Variants in PHAF1 observed in about 807,000 individuals in gnomAD.
PHAF1 encodes the protein phagosome assembly factor 1.
Under a neutral mutation model 63.1 loss-of-function variants are expected in PHAF1, and 23 were observed. The observed-to-expected ratio is 0.36, with a 90% CI of 0.26 to 0.52. The LOEUF (loss-of-function observed/expected upper bound fraction) is 0.52. Ranked by LOEUF, PHAF1 falls within the 20% of genes least tolerant of loss-of-function variation. The probability of loss-of-function intolerance (pLI) is 0.93; values close to 1 mark genes in which losing one functional copy is unlikely to be tolerated. For missense variants in PHAF1, 427 were observed against 517.2 expected, an observed-to-expected ratio of 0.83 and a Z score of 1.69; for synonymous variants, 167 against 185.0, an observed-to-expected ratio of 0.90 and a Z score of 0.79.
intron 10 of PHAF1, among the ~76,000 whole-genome samples, chr16:67,141,074 G>C (rs1963790894): frequency 6.6e-6 from 1 of 152,244 alleles, no homozygotes; most frequent in African/African-American, 2.4e-5. Context: ...GGACAGTCCA[G>C]CTGGTGGGTG....
At chr16:67,140,161 A>C in intron 9 of PHAF1, 44 bp downstream of exon 9, 1 of 1,591,288 alleles carries the variant, frequency 6.3e-7, no homozygotes, top group East Asian at 2.2e-5. Context: ...TTTAATCAAC[A>C]CTAATTTAAT....
In PHAF1 at chr16:67,140,492, G is replaced by A; in HGVS notation, c.796-19G>A. 2.0e-6 allele frequency: 3 copies of A among 1,526,120 alleles called. No homozygotes were observed. Among genetic ancestry groups the A allele is most frequent in the Non-Finnish European group, 2.7e-6 (3 of 1,100,292 alleles). The allele number at this position is 1,526,120 out of a possible 1,614,324, so 94.5% of individuals were successfully genotyped here. On this transcript the variant is annotated intron_variant, in intron 9 of 15. Coordinates refer to ENST00000219139, the MANE Select transcript of PHAF1 (RefSeq NM_025187.5). ...ATTAGAGGGATGGATTTTAATTTAT[G>A]GTTATTTTTTCCCTACAGATGAAAA...
intron 15 of PHAF1, 37 bp downstream of exon 15, chr16:67,146,387 G>T (rs1182463954): frequency 1.3e-6 from 2 of 1,591,480 alleles, no homozygotes; most frequent in Non-Finnish European, 1.7e-6. Flanking sequence ...ACTGCCTGGG[G>T]GGTTGCTGGT....
intron 1 of PHAF1, among the ~76,000 whole-genome samples, chr16:67,112,806 G>T (rs935614639): frequency 1.5e-4 from 23 of 152,218 alleles, no homozygotes; most frequent in Non-Finnish European, 1.8e-4. Flanking sequence ...GAGGCTTCAT[G>T]ATTCCCTTGG....
chr16:67,136,822 C>T (rs962005885), intron 8 of PHAF1, among the ~76,000 whole-genome samples: 1 of 151,980 alleles, frequency 6.6e-6, no homozygotes, highest in African/African-American at 2.4e-5. Context: ...CTTAAGCGGT[C>T]GTCCCACCTC....
At chr16:67,145,009 G>A (rs368783080) in intron 12 of PHAF1, 132 bp downstream of exon 12, 1 of 1,169,082 alleles carries the variant, frequency 8.6e-7, no homozygotes, top group African/African-American at 1.5e-5. Flanking sequence ...TCTGGGGTGG[G>A]CTCATTGTTC....
chr16:67,121,923 T>C (rs900123883), intron 2 of PHAF1, among the ~76,000 whole-genome samples: 1 of 151,900 alleles, frequency 6.6e-6, no homozygotes, highest in Non-Finnish European at 1.5e-5. Flanking sequence ...TTTGAGACAG[T>C]ATCTTGCTTT....
chr16:67,147,287 C>A lies in PHAF1; in HGVS notation c.*156C>A. The A allele has an allele frequency of 3.0e-6, 2 of 668,614 alleles. No homozygotes were observed. Among genetic ancestry groups the A allele is most frequent in the Non-Finnish European group, 5.1e-6 (2 of 395,006 alleles). The allele number at this position is 668,614 out of a possible 1,614,324, so 41.4% of individuals were successfully genotyped here. A position where few individuals can be genotyped will look rare whatever the true frequency, so the allele number is the denominator to read the frequency against. On this transcript the variant is annotated 3_prime_UTR_variant, in exon 16 of 16. Coordinates refer to ENST00000219139, the MANE Select transcript of PHAF1 (RefSeq NM_025187.5). ...GTTGGGCTCAGGCTGGGTGCTCTGC[C>A]ATGGGCTGAGTGGCCCAGATATTCT...
chr16:67,148,410 G>A lies in PHAF1; in HGVS notation c.*1279G>A, dbSNP rs2030293783. 1 of 152,680 alleles carries A rather than the reference G, an allele frequency of 6.5e-6. No individual in the cohort carries two copies. Among genetic ancestry groups the A allele is most frequent in the African/African-American group, 2.4e-5 (1 of 41,454 alleles). The allele number at this position is 152,680 out of a possible 1,614,324, so 9.5% of individuals were successfully genotyped here. A position where few individuals can be genotyped will look rare whatever the true frequency, so the allele number is the denominator to read the frequency against. On this transcript the variant is annotated 3_prime_UTR_variant, in exon 16 of 16. Coordinates refer to ENST00000219139, the MANE Select transcript of PHAF1 (RefSeq NM_025187.5). ...TTGCATATCCCCACTGTCAGGGGCAGCCAGGACTGTTCCCATCCTCCTGGA... is the reference window on the plus strand; with the variant it reads ...TTGCATATCCCCACTGTCAGGGGCAACCAGGACTGTTCCCATCCTCCTGGA...
intron 4 of PHAF1, 84 bp downstream of exon 4, chr16:67,131,413 C>A: frequency 1.9e-6 from 2 of 1,031,056 alleles, no homozygotes; most frequent in Non-Finnish European, 2.9e-6. Context: ...TAAAGATTCA[C>A]ATCTGTCACA....
chr16:67,118,674 A>G (rs1962851441), intron 1 of PHAF1, among the ~76,000 whole-genome samples: 1 of 151,906 alleles, frequency 6.6e-6, no homozygotes, highest in Non-Finnish European at 1.5e-5. Context: ...AATAAAAAGA[A>G]CTAGATATTT....
chr16:67,117,055 C>T (rs1456258832), intron 1 of PHAF1, among the ~76,000 whole-genome samples: 2 of 151,494 alleles, frequency 1.3e-5, no homozygotes, highest in South Asian at 2.1e-4. Flanking sequence ...TTTTTTGAGA[C>T]GGAGTGTCAC....
At chr16:67,128,433 GCCTGA>G (rs1461589007) in intron 3 of PHAF1, among the ~76,000 whole-genome samples, 4 of 152,178 alleles carry the variant, frequency 2.6e-5, no homozygotes, top group African/African-American at 9.7e-5. Flanking sequence ...ATTGGCACCA[GCCTGA>G]CCTGACCTAT....
intron 1 of PHAF1, among the ~76,000 whole-genome samples, chr16:67,116,408 T>C (rs1223623848): frequency 6.6e-6 from 1 of 152,222 alleles, no homozygotes; most frequent in Non-Finnish European, 1.5e-5. Flanking sequence ...TCAGCTCTTT[T>C]TTGCATATCG....
chr16:67,119,847 A>C (rs1047932979), intron 1 of PHAF1, among the ~76,000 whole-genome samples: 1 of 152,066 alleles, frequency 6.6e-6, no homozygotes, highest in Non-Finnish European at 1.5e-5. Flanking sequence ...TTTTTGTGAT[A>C]TCCACCACCA....
Position 67,141,823 on chromosome 16 carries a change from G to T in PHAF1, c.879+1229G>T, listed in dbSNP as rs769659040. 6.2e-4 allele frequency among the ~76,000 whole-genome samples: 94 copies of T among 152,364 alleles called. No homozygotes were observed. The Middle Eastern group carries it at 0.017, about 28-fold the overall frequency. On this transcript the variant is annotated intron_variant, in intron 10 of 15. Transcript: ENST00000219139. ...AGAACCACACAGAGCCCCAAACAGGGTGTCACAGCTCTGGCTCGGGGAGCT... is the reference window on the plus strand; with the variant it reads ...AGAACCACACAGAGCCCCAAACAGGTTGTCACAGCTCTGGCTCGGGGAGCT...
intron 8 of PHAF1, 102 bp downstream of exon 8, chr16:67,134,569 C>G (rs1169435277): frequency 2.0e-6 from 2 of 1,023,414 alleles, no homozygotes; most frequent in Non-Finnish European, 3.1e-6. Context: ...ATTCAGGCTG[C>G]TATAATAAAA....
chr16:67,131,463 A>C, intron 4 of PHAF1, 134 bp downstream of exon 4: 1 of 649,972 alleles, frequency 1.5e-6, no homozygotes, highest in East Asian at 3.0e-5. Flanking sequence ...TCCTGAGGCA[A>C]CCTTCAAGCC....
chr16:67,134,976 A>G (rs1291121531), intron 8 of PHAF1: 5 of 330,690 alleles, frequency 1.5e-5, no homozygotes, highest in Non-Finnish European at 3.0e-5. Flanking sequence ...AGTTTTGTCA[A>G]GGGACTGGAC....
Sources: gnomAD v4.1 joint callset for allele counts (sites outside exome capture counted in the v4.1 genomes callset) on GRCh38, gnomAD v4.1.1 for gene constraint, MANE v1.5 for transcripts, NCBI Gene and HGNC (gene_info 2026-07-23, HGNC 2026-07-21) for gene names.